DIS3L2: variants seen among roughly 807,000 people sequenced by gnomAD.
The protein encoded by DIS3L2 is DIS3-like exonuclease 2.
Under a neutral mutation model 97.5 loss-of-function variants are expected in DIS3L2, and 34 were observed. The ratio of observed to expected loss-of-function variants is 0.35; its 90% confidence interval spans 0.27 to 0.46. The LOEUF is 0.46. DIS3L2 is among the 20% of genes least tolerant of loss of function. The pLI, the probability that DIS3L2 is intolerant of heterozygous loss-of-function variation, is 1.00. For synonymous variants in DIS3L2, 435 were observed against 445.2 expected, an observed-to-expected ratio of 0.98 and a Z score of 0.29; for missense variants, 1,038 against 1,146.0, an observed-to-expected ratio of 0.91 and a Z score of 1.36.
intron 9 of DIS3L2, among the ~76,000 whole-genome samples, chr2:232,197,366 A>T (rs1574939780): frequency 6.6e-6 from 1 of 152,220 alleles, no homozygotes; most frequent in African/African-American, 2.4e-5. Context: ...TATTTAAGTG[A>T]AAATATATTC....
chr2:232,204,054 T>A (rs1303037114), intron 9 of DIS3L2, among the ~76,000 whole-genome samples: 1 of 151,816 alleles, frequency 6.6e-6, no homozygotes, highest in Admixed American at 6.6e-5. Flanking sequence ...CGGTAAGGAG[T>A]TGATGAAGGT....
intron 14 of DIS3L2, among the ~76,000 whole-genome samples, chr2:232,302,818 C>T (rs537492660): frequency 2.4e-4 from 37 of 152,018 alleles, no homozygotes; most frequent in South Asian, 1.7e-3. Flanking sequence ...CCTTGGCCCC[C>T]CAAAGTGCTG....
At chr2:232,029,950 C>A in intron 4 of DIS3L2, 29 bp from the exon 5 acceptor site, 1 of 1,532,518 alleles carries the variant, frequency 6.5e-7, no homozygotes, top group Non-Finnish European at 8.8e-7. Flanking sequence ...TTTAAGCTCA[C>A]TATTGTTTTA....
intron 1 of DIS3L2, among the ~76,000 whole-genome samples, chr2:231,969,358 A>G (rs1335284426): frequency 1.5e-5 from 2 of 131,962 alleles, no homozygotes; most frequent in African/African-American, 2.9e-5. Flanking sequence ...TTGCCCAGGT[A>G]GGAGTGCAGT....
chr2:232,218,025 A>C (rs1692389782), intron 10 of DIS3L2, among the ~76,000 whole-genome samples: 1 of 152,174 alleles, frequency 6.6e-6, no homozygotes, highest in Admixed American at 6.5e-5. Flanking sequence ...ACCCCTTTTA[A>C]AATGGAAGTC....
chr2:232,162,028 C>T (rs745906977), intron 8 of DIS3L2, among the ~76,000 whole-genome samples: 13 of 152,192 alleles, frequency 8.5e-5, no homozygotes, highest in Non-Finnish European at 1.6e-4. Context: ...GCCTCAGCCT[C>T]CCAAAGTGCT....
Position 232,035,604 on chromosome 2 carries a change from T to G in DIS3L2, c.366+5524T>G, listed in dbSNP as rs1261721012. Among the ~76,000 whole-genome samples, 7 of 152,230 alleles carry G rather than the reference T, an allele frequency of 4.6e-5. No homozygotes were observed. In the East Asian group the frequency reaches 1.3e-3, roughly 29 times the overall value. On this transcript the variant is annotated intron_variant, in intron 5 of 20. Transcript: ENST00000325385. ...GTTTCTTCATAGTGTCAATGATCTT[T>G]ACATTTTGGTTTGTTTTTTTGCAGT... is the stretch of plus-strand genomic sequence containing the variant.
intron 1 of DIS3L2, among the ~76,000 whole-genome samples, chr2:232,012,745 G>C (rs1318782521): frequency 6.6e-6 from 1 of 151,962 alleles, no homozygotes; most frequent in Non-Finnish European, 1.5e-5. Context: ...ATTTTGTCAG[G>C]GTAAGAGTGC....
intron 9 of DIS3L2, among the ~76,000 whole-genome samples, chr2:232,192,651 C>G (rs1691645573): frequency 6.6e-6 from 1 of 152,220 alleles, no homozygotes; most frequent in South Asian, 2.1e-4. Context: ...GCTCTCTGAG[C>G]TCCCCCAGGG....
intron 5 of DIS3L2, among the ~76,000 whole-genome samples, chr2:232,087,267 G>A (rs560439455): frequency 6.6e-6 from 1 of 152,136 alleles, no homozygotes; most frequent in Non-Finnish European, 1.5e-5. Context: ...TTAATTTGGG[G>A]CATCCTGAAG....
chr2:232,069,803 C>G (rs1026006778), intron 5 of DIS3L2, among the ~76,000 whole-genome samples: 1 of 152,152 alleles, frequency 6.6e-6, no homozygotes, highest in Non-Finnish European at 1.5e-5. Context: ...TTGAGGAAGG[C>G]TGAGTTGAGA....
At chr2:232,256,499 T>C (rs369788662) in intron 12 of DIS3L2, among the ~76,000 whole-genome samples, 1 of 152,256 alleles carries the variant, frequency 6.6e-6, no homozygotes, top group Non-Finnish European at 1.5e-5. Context: ...TGTGTACCAG[T>C]TGGGGCTTTC....
Position 232,139,783 on chromosome 2 carries a change from GT to G in DIS3L2, c.950+3065del, listed in dbSNP as rs1365471898. Among the ~76,000 whole-genome samples, 8 of 152,152 alleles carry G rather than the reference GT, an allele frequency of 5.3e-5. No homozygotes were observed. The East Asian group carries it at 1.5e-3, about 29-fold the overall frequency. On this transcript the variant is annotated intron_variant, in intron 8 of 20. Transcript: ENST00000325385. ...GAATAGATGAGAAGGGACATGCCTA[GT>G]AGCAGGAGGTCATAATACACAATTG... is the stretch of plus-strand genomic sequence containing the variant.
At chr2:232,100,666 AT>A (rs973736318) in intron 6 of DIS3L2, among the ~76,000 whole-genome samples, 4 of 151,822 alleles carry the variant, frequency 2.6e-5, no homozygotes, top group African/African-American at 4.8e-5. Context: ...GTATTTTGCT[AT>A]TTTTTGTTAA....
chr2:232,202,140 C>T (rs1302611165), intron 9 of DIS3L2, among the ~76,000 whole-genome samples: 1 of 152,196 alleles, frequency 6.6e-6, no homozygotes, highest in Admixed American at 6.5e-5. Flanking sequence ...TGGCTCACGC[C>T]TGTAATCCCA....
At chr2:232,058,580 A>G (rs1695611951) in intron 5 of DIS3L2, among the ~76,000 whole-genome samples, 2 of 152,164 alleles carry the variant, frequency 1.3e-5, no homozygotes, top group South Asian at 2.1e-4. Flanking sequence ...CACTGTCACC[A>G]ATTATCTTTG....
At chr2:232,282,658 C>A (rs1229871129) in intron 13 of DIS3L2, among the ~76,000 whole-genome samples, 1 of 152,210 alleles carries the variant, frequency 6.6e-6, no homozygotes, top group Non-Finnish European at 1.5e-5. Context: ...AGTAAGGCTG[C>A]GCTTTCAGGA....
At chr2:232,275,326 T>G (rs910426545) in intron 13 of DIS3L2, among the ~76,000 whole-genome samples, 1 of 152,244 alleles carries the variant, frequency 6.6e-6, no homozygotes, top group Non-Finnish European at 1.5e-5. Context: ...GGCAGATGTC[T>G]TACTGTTGCT....
In DIS3L2 at chr2:232,030,015, G is replaced by T. The variant is rs199857926; in HGVS notation, c.301G>T (p.Ala101Ser). 532 of 1,608,030 alleles carry T rather than the reference G, an allele frequency of 3.3e-4. No individual in the cohort carries two copies. The highest frequency in any genetic ancestry group is 4.3e-4 in the Non-Finnish European group (507 of 1,177,760). ...DRDIFIDGVVARNRALNGDLV... is the reference protein window; with the variant it reads ...DRDIFIDGVVSRNRALNGDLV... ...AGACATTTTTATTGATGGGGTTGTT[G>T]CTCGTAATAGAGCCTTAAATGGGGA... Residue 101 changes from alanine to serine, a missense_variant, in exon 5 of 21, where the codon GCT becomes TCT. This residue lies in a region of DIS3L2 where 813 missense variants were observed against 880.1 expected (regional missense o/e 0.92). Transcript: ENST00000325385.
Sources: gnomAD v4.1 joint callset for allele counts (sites outside exome capture counted in the v4.1 genomes callset) on GRCh38, gnomAD v4.1.1 for gene constraint, gnomAD v4.1.1 regional missense constraint, MANE v1.5 for transcripts, NCBI Gene and HGNC (gene_info 2026-07-23, HGNC 2026-07-21) for gene names.